The following UBR3 variants were observed in gnomAD, a reference collection of about 807,000 sequenced individuals.
UBR3 encodes the protein E3 ubiquitin-protein ligase UBR3.
Under a neutral mutation model 243.2 loss-of-function variants are expected in UBR3, and 85 were observed. The observed-to-expected ratio is 0.35, with a 90% confidence interval of 0.29 to 0.42. The LOEUF is 0.42. Ranked by LOEUF, UBR3 falls within the 10% of genes least tolerant of loss-of-function variation. The pLI, the probability that UBR3 is intolerant of heterozygous loss-of-function variation, is 1.00. For missense variants in UBR3, 1,686 were observed against 2,300.8 expected (o/e 0.73, Z 5.47); for synonymous variants, 748 against 799.8 (o/e 0.94, Z 1.09).
At chr2:169,878,629 CT>C (rs1433302606) in intron 5 of UBR3, 55 bp downstream of exon 5, 2 of 1,422,212 alleles carry the variant, frequency 1.4e-6, no homozygotes, top group East Asian at 2.5e-5. Flanking sequence ...CTTTTTTATA[CT>C]TTTTTATTAT....
intron 29 of UBR3, chr2:170,013,789 T>C (rs927598866): frequency 2.7e-6 from 1 of 375,306 alleles, no homozygotes; most frequent in Non-Finnish European, 5.7e-6. Context: ...AAGTACTATC[T>C]AGGAAATCTT....
chr2:170,080,864 A>T (rs1274795016), intron 38 of UBR3, among the ~76,000 whole-genome samples, 180 bp downstream of exon 38: 2 of 152,178 alleles, frequency 1.3e-5, no homozygotes, highest in Non-Finnish European at 2.9e-5. Flanking sequence ...AGGAAACATG[A>T]AATACACCAA....
chr2:170,080,402 A>G, intron 37 of UBR3, 143 bp from the exon 38 acceptor site: 1 of 924,424 alleles, frequency 1.1e-6, no homozygotes, highest in Non-Finnish European at 1.5e-6. Context: ...ATAAAGTGTT[A>G]GGAATGGAGT....
At chr2:169,902,613 C>T (rs2084870472) in intron 8 of UBR3, among the ~76,000 whole-genome samples, 1 of 142,612 alleles carries the variant, frequency 7.0e-6, no homozygotes, top group Non-Finnish European at 1.5e-5. Flanking sequence ...TCAGGAGAGT[C>T]TTTTTTTTTT....
intron 36 of UBR3, 82 bp downstream of exon 36, chr2:170,073,689 G>A: frequency 5.7e-6 from 8 of 1,413,446 alleles, no homozygotes; most frequent in South Asian, 4.4e-5. Context: ...TTAAATTTTA[G>A]GTCATCTGTT....
At chr2:170,018,039 AATTCAGTTAT>A (rs2090295403) in intron 30 of UBR3, among the ~76,000 whole-genome samples, 1 of 152,138 alleles carries the variant, frequency 6.6e-6, no homozygotes, top group Non-Finnish European at 1.5e-5. Flanking sequence ...TTCTGACTCT[AATTCAGTTAT>A]ATAAGACATA....
intron 5 of UBR3, among the ~76,000 whole-genome samples, chr2:169,886,670 T>A (rs1350975816): frequency 6.6e-6 from 1 of 152,226 alleles, no homozygotes; most frequent in African/African-American, 2.4e-5. Flanking sequence ...GTGTCTTCAT[T>A]AAGGCCCAAA....
At chr2:170,025,375 A>G (rs1167682451) in intron 30 of UBR3, among the ~76,000 whole-genome samples, 1 of 152,206 alleles carries the variant, frequency 6.6e-6, no homozygotes, top group East Asian at 1.9e-4. Context: ...AGAGCAGCAC[A>G]TGAACTGGCT....
intron 10 of UBR3, among the ~76,000 whole-genome samples, chr2:169,906,857 G>A (rs1418129583): frequency 2.6e-5 from 4 of 152,032 alleles, no homozygotes; most frequent in Non-Finnish European, 5.9e-5. Flanking sequence ...TAAAAACAAA[G>A]TGAAAGAGAA....
At chr2:169,953,858 A>T (rs956172210) in intron 23 of UBR3, among the ~76,000 whole-genome samples, 3 of 152,196 alleles carry the variant, frequency 2.0e-5, no homozygotes, top group Non-Finnish European at 4.4e-5. Context: ...CGAACTAGTG[A>T]TTCAGAAGAC....
chr2:169,906,486 C>T (rs1434105803), intron 10 of UBR3, among the ~76,000 whole-genome samples: 2 of 151,924 alleles, frequency 1.3e-5, no homozygotes, highest in African/African-American at 4.8e-5. Context: ...ATTACACTTT[C>T]AAGATTCCAA....
chr2:169,928,999 A>G (rs994574175), intron 18 of UBR3, 131 bp downstream of exon 18: 2 of 775,398 alleles, frequency 2.6e-6, no homozygotes, highest in Non-Finnish European at 3.6e-6. Flanking sequence ...TTTTGTTATA[A>G]ATGTATGTCT....
chr2:169,881,985 G>GTAATTA (rs2083880883), intron 5 of UBR3, among the ~76,000 whole-genome samples: 1 of 110,948 alleles, frequency 9.0e-6, no homozygotes, highest in Non-Finnish European at 1.8e-5. Context: ...TATTATATAT[G>GTAATTA]TATATGTATA....
intron 24 of UBR3, among the ~76,000 whole-genome samples, chr2:169,971,111 C>T (rs1457970931): frequency 6.6e-6 from 1 of 152,042 alleles, no homozygotes; most frequent in Non-Finnish European, 1.5e-5. Flanking sequence ...TTTTTGGCTG[C>T]ATAAATGTCT....
intron 1 of UBR3, among the ~76,000 whole-genome samples, chr2:169,863,633 T>G (rs2083160362): frequency 6.6e-6 from 1 of 152,218 alleles, no homozygotes; most frequent in Admixed American, 6.5e-5. Context: ...AGAAAGCTCT[T>G]CTCTTGTTCA....
chr2:170,066,023 C>T (rs1454644732), intron 35 of UBR3, among the ~76,000 whole-genome samples: 1 of 148,102 alleles, frequency 6.8e-6, no homozygotes, highest in African/African-American at 2.5e-5. Flanking sequence ...GTTATGTTTT[C>T]TATGTGTCGC....
chr2:169,865,096 T>A (rs528140950), intron 1 of UBR3, among the ~76,000 whole-genome samples: 37 of 147,386 alleles, frequency 2.5e-4, no homozygotes, highest in East Asian at 7.9e-4. Flanking sequence ...GAAAAAAAAA[T>A]TTTTTTTTTT....
chr2:170,078,620 A>C (rs963325808), intron 36 of UBR3, among the ~76,000 whole-genome samples: 1 of 152,222 alleles, frequency 6.6e-6, no homozygotes, highest in Non-Finnish European at 1.5e-5. Context: ...TCAGTTTTGT[A>C]GTTCATGATT....
chr2:169,976,127 T>C (rs961466856), intron 24 of UBR3, among the ~76,000 whole-genome samples: 13 of 151,852 alleles, frequency 8.6e-5, no homozygotes, highest in Non-Finnish European at 1.3e-4. Context: ...TTTAAATCCA[T>C]ACAGGCAGTG....
Sources: allele counts gnomAD v4.1 joint callset (sites outside exome capture counted in the v4.1 genomes callset), GRCh38; gene constraint gnomAD v4.1.1; transcripts MANE v1.5; gene names NCBI Gene and HGNC (gene_info 2026-07-23, HGNC 2026-07-21).